The following TLL1 variants were observed in gnomAD, a reference collection of about 807,000 sequenced individuals.
TLL1 encodes the protein tolloid-like protein 1.
Under a neutral mutation model 128.2 loss-of-function variants are expected in TLL1, and 49 were observed. The observed-to-expected ratio is 0.38, with a 90% CI of 0.30 to 0.48. The LOEUF (loss-of-function observed/expected upper bound fraction) is 0.48. Among genes scored for constraint, TLL1 ranks in the 20% least tolerant of loss-of-function variants. The pLI is 0.96. For missense variants in TLL1, 1,123 were observed against 1,242.0 expected (o/e 0.90, Z 1.44); for synonymous variants, 454 against 418.8 (o/e 1.08, Z -1.03).
chr4:165,919,034 T>C (rs1314504739), intron 1 of TLL1, among the ~76,000 whole-genome samples: 1 of 152,196 alleles, frequency 6.6e-6, no homozygotes, highest in Non-Finnish European at 1.5e-5. Flanking sequence ...AATAATGGAA[T>C]ATATGTGTAA....
At chr4:165,887,064 A>C (rs1486405809) in intron 1 of TLL1, among the ~76,000 whole-genome samples, 1 of 152,236 alleles carries the variant, frequency 6.6e-6, no homozygotes, top group East Asian at 1.9e-4. Context: ...GTAAGAGTTA[A>C]TGCTTTGGCA....
intron 1 of TLL1, among the ~76,000 whole-genome samples, chr4:165,891,442 A>T (rs1382906254): frequency 6.6e-6 from 1 of 152,156 alleles, no homozygotes; most frequent in East Asian, 1.9e-4. Flanking sequence ...TTTGTGAATG[A>T]ATAAAACTGA....
rs34057891 is a variant in TLL1, at chr4:166,099,626, C to CAA, written c.2907+114_2907+115dup. The CAA allele has an allele frequency of 6.4e-3, 6,192 of 960,528 alleles. 2 individuals carry two copies. Among genetic ancestry groups the CAA allele is most frequent in the Non-Finnish European group, 7.5e-3 (5,170 of 685,074 alleles). 59.5% of individuals were successfully genotyped at this position (960,528 alleles called of 1,614,324 possible). ...ATTCACAAGTTGGCAATGCTTTTTGCAAAAAAAAAAAAAAAAGGCTACATT... is the reference window on the plus strand; with the variant it reads ...ATTCACAAGTTGGCAATGCTTTTTGCAAAAAAAAAAAAAAAAAAGGCTACATT... On this transcript the variant is annotated intron_variant, in intron 20 of 20. Transcript: ENST00000061240.
chr4:166,041,399 C>T (rs1474582094), intron 10 of TLL1, among the ~76,000 whole-genome samples: 2 of 151,400 alleles, frequency 1.3e-5, no homozygotes, highest in East Asian at 2.0e-4. Context: ...CTCTCGGACT[C>T]AAGCGATTCT....
intron 1 of TLL1, among the ~76,000 whole-genome samples, chr4:165,882,933 A>G (rs1731023538): frequency 6.6e-6 from 1 of 152,010 alleles, no homozygotes; most frequent in South Asian, 2.1e-4. Flanking sequence ...AAGAGTTAAC[A>G]CACAGAAAGA....
intron 18 of TLL1, among the ~76,000 whole-genome samples, chr4:166,078,855 C>T (rs532629062): frequency 6.6e-6 from 1 of 152,214 alleles, no homozygotes; most frequent in South Asian, 2.1e-4. Context: ...GTGAGACTAC[C>T]AGTCCAAGGT....
rs1736529934 is a variant in TLL1, at chr4:165,989,369, T to A, written c.170-12T>A. 1 of 1,580,492 alleles carries A rather than the reference T, an allele frequency of 6.3e-7. No individual in the cohort carries two copies. The highest frequency in any genetic ancestry group is 8.7e-7 in the Non-Finnish European group (1 of 1,150,834). ...AATATTTTACATTTTAATTCAACTT[T>A]TCTTTTTTTAGCTGTATTTTGGGGC... On this transcript the variant is annotated splice_polypyrimidine_tract_variant and intron_variant, in intron 1 of 20. Coordinates refer to ENST00000061240, the MANE Select transcript of TLL1 (RefSeq NM_012464.5).
At chr4:165,946,003 A>AAG (rs1293364367) in intron 1 of TLL1, among the ~76,000 whole-genome samples, 2 of 152,198 alleles carry the variant, frequency 1.3e-5, no homozygotes, top group African/African-American at 4.8e-5. Context: ...GATGTAGCAG[A>AAG]AGAGAGAAAT....
chr4:165,874,314 G>A (rs978890831), intron 1 of TLL1, among the ~76,000 whole-genome samples: 1 of 152,134 alleles, frequency 6.6e-6, no homozygotes, highest in African/African-American at 2.4e-5. Context: ...TCCCAGTTTG[G>A]GAATAAGGTC....
chr4:166,025,279 A>G (rs1351465392), intron 8 of TLL1, 37 bp from the exon 9 acceptor site: 1 of 1,417,770 alleles, frequency 7.1e-7, no homozygotes, highest in Non-Finnish European at 1.0e-6. Flanking sequence ...ATTTTATATA[A>G]ATTAACCAAT....
At chr4:166,089,413 C>T (rs189440717) in intron 18 of TLL1, among the ~76,000 whole-genome samples, 3 of 152,172 alleles carry the variant, frequency 2.0e-5, no homozygotes, top group East Asian at 1.9e-4. Context: ...TGGCCATAAA[C>T]GTCAGCTAGG....
At chr4:165,961,470 T>C (rs907463295) in intron 1 of TLL1, among the ~76,000 whole-genome samples, 2 of 152,178 alleles carry the variant, frequency 1.3e-5, no homozygotes, top group Non-Finnish European at 2.9e-5. Context: ...AAAAAACTAT[T>C]CTAAAATTCA....
intron 1 of TLL1, among the ~76,000 whole-genome samples, chr4:165,970,993 T>C (rs1735604926): frequency 6.6e-6 from 1 of 152,254 alleles, no homozygotes; most frequent in South Asian, 2.1e-4. Context: ...TCAAGCAATC[T>C]GTCCTAGAGG....
chr4:165,994,701 G>C (rs4691229), intron 4 of TLL1, among the ~76,000 whole-genome samples, 168 bp downstream of exon 4: 1 of 152,072 alleles, frequency 6.6e-6, no homozygotes, highest in Non-Finnish European at 1.5e-5. Flanking sequence ...GAAATTGAAA[G>C]CATATCTTTG....
chr4:165,968,532 T>A (rs1276243353), intron 1 of TLL1, among the ~76,000 whole-genome samples: 1 of 152,168 alleles, frequency 6.6e-6, no homozygotes, highest in Non-Finnish European at 1.5e-5. Flanking sequence ...TAAGGTTCAA[T>A]CCTTACTCTT....
rs1386596212 is a variant in TLL1, at chr4:166,060,030, G to A, written c.1849G>A (p.Ala617Thr). The A allele has an allele frequency of 5.0e-6, 8 of 1,613,360 alleles. No individual in the cohort carries two copies. In the East Asian group the frequency reaches 1.8e-4, roughly 36 times the overall value. The change falls in exon 15 of 21, where the codon GCT becomes ACT. Residue 617 changes from alanine (A) to threonine (T), a missense_variant and splice_region_variant. Around this residue, in one of 3 missense-constraint regions of TLL1, gnomAD observed 634 missense variants for 672.4 expected, o/e 0.94. Transcript: ENST00000061240. ...CTTTTTCTTTTCTTTTCTTCTAGCT[G>A]CTTGTGGTGGACTTCTTACCAAACT... ...LGPDRRSCEA[A>T]CGGLLTKLNG...
At chr4:166,041,300 CTTTCTTTTT>C (rs763527874) in intron 10 of TLL1, among the ~76,000 whole-genome samples, 2 of 121,678 alleles carry the variant, frequency 1.6e-5, no homozygotes, top group African/African-American at 3.3e-5. Context: ...TTCTTTCTTT[CTTTCTTTTT>C]TTTTTTTTTT....
At chr4:166,084,321 C>T (rs1579722888) in intron 18 of TLL1, among the ~76,000 whole-genome samples, 1 of 152,002 alleles carries the variant, frequency 6.6e-6, no homozygotes, top group Non-Finnish European at 1.5e-5. Context: ...ATATTTTCTC[C>T]TATTCTGTAG....
chr4:165,926,413 A>G (rs1733269706), intron 1 of TLL1, among the ~76,000 whole-genome samples: 1 of 152,172 alleles, frequency 6.6e-6, no homozygotes, highest in African/African-American at 2.4e-5. Context: ...GAGAACTGGA[A>G]TTTGGATATA....
Sources: gnomAD v4.1 joint callset for allele counts (sites outside exome capture counted in the v4.1 genomes callset) on GRCh38, gnomAD v4.1.1 for gene constraint, gnomAD v4.1.1 regional missense constraint, MANE v1.5 for transcripts, NCBI Gene and HGNC (gene_info 2026-07-23, HGNC 2026-07-21) for gene names.